ZNF704: variants seen among roughly 807,000 people sequenced by gnomAD.
The protein encoded by ZNF704 is glucocorticoid induced gene 1.
ZNF704 carries 10 observed loss-of-function variants against 44.7 expected under a neutral mutation model. The ratio of observed to expected loss-of-function variants is 0.22; its 90% CI spans 0.14 to 0.38. The LOEUF (loss-of-function observed/expected upper bound fraction) is 0.38, where lower values mean the gene tolerates loss of function less well. ZNF704 is among the 10% of genes least tolerant of loss of function. The pLI, the probability that ZNF704 is intolerant of heterozygous loss-of-function variation, is 1.00. For missense variants in ZNF704, 390 were observed against 545.5 expected (o/e 0.71, Z 2.84); for synonymous variants, 211 against 207.6 (o/e 1.02, Z -0.14).
chr8:80,635,428 T>G lies in ZNF704; in HGVS notation c.*5938A>C, dbSNP rs969623322. 5 of 152,222 alleles carry G rather than the reference T, an allele frequency of 3.3e-5. No individual in the cohort carries two copies. The highest frequency in any genetic ancestry group is 2.6e-4 in the Admixed American group (4 of 15,280). 9.4% of individuals were successfully genotyped at this position (152,222 alleles called of 1,614,324 possible). A position where few individuals can be genotyped will look rare whatever the true frequency, so the allele number is the denominator to read the frequency against. ...CCTTTTTTATTTTTTCCCTCCACTA[T>G]ATTTTGGAAGCACTTGTTCTTATGT... On this transcript the variant is annotated 3_prime_UTR_variant, in exon 9 of 9. Transcript: ENST00000327835.
intron 2 of ZNF704, among the ~76,000 whole-genome samples, chr8:80,777,894 A>AG (rs1407934686): frequency 1.3e-5 from 2 of 152,014 alleles, no homozygotes; most frequent in Non-Finnish European, 1.5e-5. Context: ...AAAAAAAAAA[A>AG]AAGAAGAAAG....
chr8:80,821,753 T>G (rs1808275222), intron 1 of ZNF704, 138 bp from the exon 2 acceptor site: 2 of 657,494 alleles, frequency 3.0e-6, no homozygotes, highest in Non-Finnish European at 5.2e-6. Flanking sequence ...ATAAGAAAAA[T>G]GCAACATAGA....
chr8:80,755,576 T>C (rs544788728), intron 2 of ZNF704, among the ~76,000 whole-genome samples: 1 of 152,352 alleles, frequency 6.6e-6, no homozygotes, highest in East Asian at 1.9e-4. Context: ...TTCTCAATAC[T>C]GCTCATCCAG....
intron 2 of ZNF704, among the ~76,000 whole-genome samples, chr8:80,806,556 A>T (rs138870432): frequency 6.6e-6 from 1 of 152,302 alleles, no homozygotes; most frequent in Non-Finnish European, 1.5e-5. Flanking sequence ...AGCAACAAAC[A>T]TATTTGAACA....
chr8:80,783,346 C>T (rs918674068), intron 2 of ZNF704, among the ~76,000 whole-genome samples: 2 of 152,142 alleles, frequency 1.3e-5, no homozygotes, highest in African/African-American at 2.4e-5. Flanking sequence ...CTTTTAAGTT[C>T]AGCGGTACCT....
rs993549926 is a variant in ZNF704 at position 80,629,830 on chromosome 8, G to A, written c.*11536C>T. 4.6e-5 allele frequency: 7 copies of A among 152,072 alleles called. No homozygotes were observed. Among genetic ancestry groups the A allele is most frequent in the South Asian group, 2.1e-4 (1 of 4,822 alleles). 9.4% of individuals were successfully genotyped at this position (152,072 alleles called of 1,614,324 possible). ...GCTAACTTTATCCAATGAAATATTC[G>A]TTCACTTCATGCAGTTTTGTTTGCT... On this transcript the variant is annotated 3_prime_UTR_variant, in exon 9 of 9. Coordinates refer to ENST00000327835, the MANE Select transcript of ZNF704 (RefSeq NM_001033723.3).
chr8:80,807,390 T>G (rs1050145412), intron 2 of ZNF704, among the ~76,000 whole-genome samples: 1 of 152,110 alleles, frequency 6.6e-6, no homozygotes, highest in South Asian at 2.1e-4. Flanking sequence ...AAGAAGCCAT[T>G]TCATCAGATT....
chr8:80,775,695 G>A (rs940263409), intron 2 of ZNF704, among the ~76,000 whole-genome samples: 3 of 152,046 alleles, frequency 2.0e-5, no homozygotes, highest in Admixed American at 2.0e-4. Flanking sequence ...GAAGTGATAG[G>A]GTGGAAGAAA....
At chr8:80,754,910 TAA>T (rs1468468189) in intron 2 of ZNF704, among the ~76,000 whole-genome samples, 1 of 152,250 alleles carries the variant, frequency 6.6e-6, no homozygotes, top group African/African-American at 2.4e-5. Context: ...CTTTGCTGTT[TAA>T]GTCTACTGAG....
intron 2 of ZNF704, among the ~76,000 whole-genome samples, chr8:80,810,168 A>G (rs1459448537): frequency 2.0e-5 from 3 of 152,216 alleles, no homozygotes; most frequent in Non-Finnish European, 4.4e-5. Flanking sequence ...ACAGGGTACC[A>G]GGTGACATTT....
At chr8:80,765,104 C>A (rs1807206187) in intron 2 of ZNF704, among the ~76,000 whole-genome samples, 1 of 152,164 alleles carries the variant, frequency 6.6e-6, no homozygotes, top group South Asian at 2.1e-4. Context: ...AATGGTATAA[C>A]TCTCAGTTTT....
chr8:80,699,439 A>G (rs1312926926), intron 2 of ZNF704, among the ~76,000 whole-genome samples: 2 of 152,230 alleles, frequency 1.3e-5, no homozygotes, highest in African/African-American at 2.4e-5. Flanking sequence ...AAAGCTGCCT[A>G]TTGCAATAAA....
chr8:80,827,075 G>A (rs1374989022), intron 1 of ZNF704, among the ~76,000 whole-genome samples: 1 of 152,040 alleles, frequency 6.6e-6, no homozygotes, highest in Non-Finnish European at 1.5e-5. Context: ...TTCTGGCCAG[G>A]GCAATCAGGC....
In ZNF704 at chr8:80,735,913, T is replaced by C. The variant is rs74584356; in HGVS notation, c.222-42806A>G. ...GCAGCAAATGTTGCTTTGGTATGTA[T>C]GCTTTACAAAGAGAAAGAAAATATA... is the stretch of plus-strand genomic sequence containing the variant. On this transcript the variant is annotated intron_variant, in intron 2 of 8. Transcript: ENST00000327835. Among the ~76,000 whole-genome samples the C allele has an allele frequency of 3.3e-5, 5 of 152,346 alleles. No individual in the cohort carries two copies. In the East Asian group the frequency reaches 9.6e-4, roughly 29 times the overall value.
At chr8:80,777,708 G>C (rs1417986271) in intron 2 of ZNF704, among the ~76,000 whole-genome samples, 1 of 151,800 alleles carries the variant, frequency 6.6e-6, no homozygotes, top group Admixed American at 6.6e-5. Context: ...GCAAAATCCC[G>C]TCTCTACTAG....
chr8:80,831,600 A>G (rs1344562398), intron 1 of ZNF704, among the ~76,000 whole-genome samples: 2 of 152,246 alleles, frequency 1.3e-5, no homozygotes, highest in African/African-American at 4.8e-5. Context: ...AAGAACAAAA[A>G]CATCTGGTTA....
intron 1 of ZNF704, among the ~76,000 whole-genome samples, chr8:80,835,684 T>A (rs1219191830): frequency 2.0e-5 from 3 of 152,224 alleles, no homozygotes; most frequent in Non-Finnish European, 4.4e-5. Flanking sequence ...ATGACTCAGC[T>A]TTCAGCTTAA....
chr8:80,877,508 G>A (rs1460768212), upstream of ZNF704, among the ~76,000 whole-genome samples: 1 of 152,196 alleles, frequency 6.6e-6, no homozygotes, highest in East Asian at 1.9e-4. Flanking sequence ...CAAGCAAGTG[G>A]GGAAGAGTCA....
At chr8:80,766,585 G>A (rs1807231900) in intron 2 of ZNF704, among the ~76,000 whole-genome samples, 1 of 152,186 alleles carries the variant, frequency 6.6e-6, no homozygotes, top group Non-Finnish European at 1.5e-5. Context: ...TTTGAAATAT[G>A]TGGATCCTTT....
Sources: allele counts gnomAD v4.1 joint callset (sites outside exome capture counted in the v4.1 genomes callset), GRCh38; gene constraint gnomAD v4.1.1; transcripts MANE v1.5; gene names NCBI Gene and HGNC (gene_info 2026-07-23, HGNC 2026-07-21).